CACNA1E: variants seen among roughly 807,000 people sequenced by gnomAD.
The protein encoded by CACNA1E is voltage-dependent R-type calcium channel subunit alpha-1E.
Under a neutral mutation model 259.2 loss-of-function variants are expected in CACNA1E, and 40 were observed. That is an observed-to-expected ratio of 0.15 (90% CI 0.12 to 0.20). The LOEUF (loss-of-function observed/expected upper bound fraction) is 0.20. CACNA1E is among the 10% of genes least tolerant of loss of function. The pLI is 1.00. For synonymous variants in CACNA1E, 1,104 were observed against 1,138.5 expected, an observed-to-expected ratio of 0.97 and a Z score of 0.61; for missense variants, 1,874 against 3,040.1, an observed-to-expected ratio of 0.62 and a Z score of 9.02.
rs1662493175 is a variant in CACNA1E at position 181,804,470 on chromosome 1, G to A, written c.*5636G>A. On this transcript the variant is annotated 3_prime_UTR_variant, in exon 48 of 48. Transcript: ENST00000367573. ...CAAAACTTCAGTGAAAGCCAAGGAG[G>A]TACAGAATTTTTTCAGGACATCTTT... is the stretch of plus-strand genomic sequence containing the variant. 1 of 152,124 alleles carries A rather than the reference G, an allele frequency of 6.6e-6. No individual in the cohort carries two copies. Among genetic ancestry groups the A allele is most frequent in the South Asian group, 2.1e-4 (1 of 4,828 alleles). The allele number at this position is 152,124 out of a possible 1,614,324, so 9.4% of individuals were successfully genotyped here.
intron 7 of CACNA1E, among the ~76,000 whole-genome samples, chr1:181,674,033 A>G (rs921608359): frequency 1.3e-5 from 2 of 151,896 alleles, no homozygotes; most frequent in Non-Finnish European, 2.9e-5. Context: ...TGGAGCTTTT[A>G]TGACCTAAGC....
chr1:181,435,923 CAAGTG>C (rs1660054979), intron 2 of CACNA1E, among the ~76,000 whole-genome samples: 1 of 127,442 alleles, frequency 7.8e-6, no homozygotes, highest in Non-Finnish European at 1.6e-5. Context: ...ATCTGTTATC[CAAGTG>C]AAGTGATGAC....
At position 181,721,759 on chromosome 1, in the gene CACNA1E, T is replaced by C; in HGVS notation, c.1958T>C (p.Ile653Thr). 6.2e-7 allele frequency: 1 copy of C among 1,605,628 alleles called. No individual in the cohort carries two copies. Among genetic ancestry groups the C allele is most frequent in the Non-Finnish European group, 8.5e-7 (1 of 1,172,556 alleles). Residue 653 changes from isoleucine (I) to threonine (T), a missense_variant and splice_region_variant, in exon 16 of 48, where the codon ATC becomes ACC. Ile to Thr is a moderately conservative substitution (Grantham distance 89). Coordinates refer to ENST00000367573, the MANE Select transcript of CACNA1E (RefSeq NM_001205293.3). ...GCGCCTGTCATTTGCTTTTTGTAGATCCTGACGGGTGAGGACTGGAATGAG... is the reference window on the plus strand; with the variant it reads ...GCGCCTGTCATTTGCTTTTTGTAGACCCTGACGGGTGAGGACTGGAATGAG... ...FPAAIMTVFQ[I>T]LTGEDWNEVM... is the part of the protein sequence containing the mutation.
At chr1:181,741,437 A>C (rs975608684) in intron 25 of CACNA1E, among the ~76,000 whole-genome samples, 3 of 152,222 alleles carry the variant, frequency 2.0e-5, no homozygotes, top group Non-Finnish European at 4.4e-5. Flanking sequence ...TCCCCTCCTC[A>C]TCCTTCCATT....
At chr1:181,469,622 C>T (rs1225157582) in intron 2 of CACNA1E, among the ~76,000 whole-genome samples, 1 of 152,102 alleles carries the variant, frequency 6.6e-6, no homozygotes, top group Non-Finnish European at 1.5e-5. Context: ...TATTTGAAGC[C>T]ATCCATATGG....
intron 3 of CACNA1E, among the ~76,000 whole-genome samples, chr1:181,517,811 C>T (rs1184222948): frequency 2.6e-5 from 4 of 152,092 alleles, no homozygotes; most frequent in Non-Finnish European, 4.4e-5. Context: ...AAAGAGGCTG[C>T]CCTAATACAA....
rs370910420 is a variant in CACNA1E, at chr1:181,732,862, G to T, written c.2776G>T (p.Val926Phe). 6.2e-7 allele frequency: 1 copy of T among 1,613,870 alleles called. No homozygotes were observed. Among genetic ancestry groups the T allele is most frequent in the African/African-American group, 1.3e-5 (1 of 74,944 alleles). The change falls in exon 20 of 48, where the codon GTC (valine) becomes TTC (phenylalanine). Residue 926 changes from valine (V) to phenylalanine (F), a missense_variant. This residue lies in a region of CACNA1E where 476 missense variants were observed against 514.0 expected (regional missense o/e 0.93). Coordinates refer to ENST00000367573, the MANE Select transcript of CACNA1E (RefSeq NM_001205293.3). The surrounding 1 kb of genome is among the most constrained non-coding windows in gnomAD (Gnocchi z 5.5). ...QSQRRSRHRR[V>F]RTEGKESSSA... is the part of the protein sequence containing the mutation. Reference sequence around the variant, plus strand: ...CCAACGGCGCAGCCGGCATCGCCGCGTCAGGACAGAAGGCAAGGAGTCCTC... The same window carrying T: ...CCAACGGCGCAGCCGGCATCGCCGCTTCAGGACAGAAGGCAAGGAGTCCTC...
intron 1 of CACNA1E, among the ~76,000 whole-genome samples, chr1:181,492,970 C>T (rs1451038472): frequency 6.6e-6 from 1 of 152,084 alleles, no homozygotes; most frequent in African/African-American, 2.4e-5. Flanking sequence ...GAGTAAGTGT[C>T]TAGATGACCT....
chr1:181,567,166 G>A (rs745805203), intron 3 of CACNA1E, among the ~76,000 whole-genome samples: 16 of 152,048 alleles, frequency 1.1e-4, no homozygotes, highest in African/African-American at 1.9e-4. Flanking sequence ...CTTCATACCC[G>A]CTAGGATTTT....
At chr1:181,751,358 G>A (rs1184221000) in intron 26 of CACNA1E, among the ~76,000 whole-genome samples, 2 of 152,230 alleles carry the variant, frequency 1.3e-5, no homozygotes, top group Non-Finnish European at 2.9e-5. Context: ...CAGGATAAAG[G>A]TAGGCTGGGC....
chr1:181,551,191 T>C (rs542440071), intron 3 of CACNA1E, among the ~76,000 whole-genome samples: 2 of 152,284 alleles, frequency 1.3e-5, no homozygotes, highest in African/African-American at 4.8e-5. Context: ...TGTCAGGGCA[T>C]CCTGTTGGGG....
At chr1:181,466,470 T>G (rs373309720) in intron 2 of CACNA1E, among the ~76,000 whole-genome samples, 19 of 152,006 alleles carry the variant, frequency 1.2e-4, no homozygotes, top group African/African-American at 4.3e-4. Context: ...ATCGCTTGAG[T>G]TTGGGAGGTG....
intron 3 of CACNA1E, among the ~76,000 whole-genome samples, chr1:181,546,731 G>T (rs1049447088): frequency 2.6e-5 from 4 of 152,172 alleles, no homozygotes; most frequent in African/African-American, 9.7e-5. Context: ...ATCAGCTCCT[G>T]TTCTGCCTCT....
At chr1:181,327,250 C>G (rs1650865917) in intron 1 of CACNA1E, among the ~76,000 whole-genome samples, 1 of 152,298 alleles carries the variant, frequency 6.6e-6, no homozygotes, top group African/African-American at 2.4e-5. Context: ...TACAATCTCC[C>G]CTATGATGGG....
intron 34 of CACNA1E, among the ~76,000 whole-genome samples, chr1:181,763,984 G>T (rs896528409): frequency 3.3e-5 from 5 of 152,168 alleles, no homozygotes; most frequent in African/African-American, 9.7e-5. Context: ...GTTTCATAGA[G>T]AGATGATTCA....
intron 44 of CACNA1E, among the ~76,000 whole-genome samples, chr1:181,790,801 G>C (rs1661234778): frequency 6.6e-6 from 1 of 151,662 alleles, no homozygotes; most frequent in Admixed American, 6.6e-5. Flanking sequence ...ATTGCTTTAG[G>C]CCAAGCCCTC....
intron 3 of CACNA1E, among the ~76,000 whole-genome samples, chr1:181,556,194 G>A (rs1467560368): frequency 6.6e-6 from 1 of 152,110 alleles, no homozygotes; most frequent in Non-Finnish European, 1.5e-5. Context: ...GTAGCCCAGG[G>A]CATCTTCTTA....
At chr1:181,598,243 G>A (rs1045473703) in intron 6 of CACNA1E, among the ~76,000 whole-genome samples, 1 of 152,224 alleles carries the variant, frequency 6.6e-6, no homozygotes, top group Non-Finnish European at 1.5e-5. Flanking sequence ...GGCATTGGAT[G>A]GTGGAAGAGC....
At chr1:181,561,765 A>G (rs1402711998) in intron 3 of CACNA1E, among the ~76,000 whole-genome samples, 1 of 152,226 alleles carries the variant, frequency 6.6e-6, no homozygotes, top group Admixed American at 6.5e-5. Context: ...GCTGGGTCAA[A>G]TGGTAAGTAT....
Sources: allele counts gnomAD v4.1 joint callset (sites outside exome capture counted in the v4.1 genomes callset), GRCh38; gene constraint gnomAD v4.1.1; regional missense constraint gnomAD v4.1.1; non-coding constraint Gnocchi (gnomAD v3.1); transcripts MANE v1.5; gene names NCBI Gene and HGNC (gene_info 2026-07-23, HGNC 2026-07-21).